LRRC34: variants seen among roughly 807,000 people sequenced by gnomAD.
The protein encoded by LRRC34 is leucine-rich repeat-containing protein 34.
In LRRC34, 44 loss-of-function variants were observed where a neutral mutation model predicts 48.5. That is an observed-to-expected ratio of 0.91 (90% CI 0.71 to 1.17). The LOEUF (loss-of-function observed/expected upper bound fraction) is 1.17, where lower values mean the gene tolerates loss of function less well. LRRC34 is among the 50% of genes most tolerant of loss of function. LRRC34 has a pLI of 0.00. For missense variants in LRRC34, 502 were observed against 563.0 expected (o/e 0.89, Z 1.10); for synonymous variants, 192 against 197.6 (o/e 0.97, Z 0.24).
intron 7 of LRRC34, among the ~76,000 whole-genome samples, chr3:169,800,255 T>C (rs904191341): frequency 2.0e-5 from 3 of 152,166 alleles, no homozygotes; most frequent in African/African-American, 7.2e-5. Flanking sequence ...ACATTTTGCT[T>C]TTATTACTCA....
rs1207151656 is a variant in LRRC34, at chr3:169,796,311, T to C, written c.967A>G (p.Thr323Ala). The part of the protein sequence containing the change: ...YLADVLKSNT[T>A]LEVIDLSFNR... ...AAGGAAAGATCTATTACTTCCAGGG[T>C]AGTGTTGCTTTTCAGTACATCAGCC... Residue 323 changes from threonine (T) to alanine (A), a missense_variant, in exon 9 of 11, where the codon ACC becomes GCC. Physicochemically the swap from Thr to Ala is moderately conservative, Grantham distance 58 (BLOSUM62 0). Transcript: ENST00000446859. The C allele has an allele frequency of 1.9e-6, 3 of 1,611,934 alleles. No individual in the cohort carries two copies. The highest frequency in any genetic ancestry group is 2.5e-6 in the Non-Finnish European group (3 of 1,179,352).
intron 5 of LRRC34, among the ~76,000 whole-genome samples, chr3:169,806,486 G>C (rs956896706): frequency 1.3e-5 from 2 of 149,962 alleles, no homozygotes; most frequent in South Asian, 2.2e-4. Context: ...GAGAGCAGGG[G>C]GTAGAAAAGA....
chr3:169,807,763 A>T (rs570900895), intron 2 of LRRC34, 54 bp from the exon 3 acceptor site: 12 of 1,472,972 alleles, frequency 8.1e-6, no homozygotes, highest in Non-Finnish European at 1.1e-5. Flanking sequence ...ATAGAAACCC[A>T]GTAAAGAAGT....
Position 169,812,853 on chromosome 3 carries a change from C to A in LRRC34, c.-305G>T. The A allele has an allele frequency of 5.5e-6, 2 of 364,906 alleles. No individual in the cohort carries two copies. The highest frequency in any genetic ancestry group is 9.7e-5 in the Admixed American group (2 of 20,668). The allele number at this position is 364,906 out of a possible 1,614,324, so 22.6% of individuals were successfully genotyped here. On this transcript the variant is annotated 5_prime_UTR_variant, in exon 1 of 11. Coordinates refer to ENST00000446859, the MANE Select transcript of LRRC34 (RefSeq NM_001172779.2). This position sits in a 1 kb window ranked among gnomAD's most constrained non-coding sequence, Gnocchi z 4.3. ...AAGCCCGCTCCTACAAAGTGTGCACCGGCCTGCCGGGCCAGCGAAGAAGCA... is the reference window on the plus strand; with the variant it reads ...AAGCCCGCTCCTACAAAGTGTGCACAGGCCTGCCGGGCCAGCGAAGAAGCA...
At chr3:169,805,504 T>C (rs1344906020) in intron 5 of LRRC34, among the ~76,000 whole-genome samples, 2 of 152,152 alleles carry the variant, frequency 1.3e-5, no homozygotes, top group East Asian at 3.8e-4. Context: ...CTTAAATAAA[T>C]GAAACATCTT....
intron 8 of LRRC34, 108 bp from the exon 9 acceptor site, chr3:169,796,477 A>AT: frequency 1.6e-6 from 2 of 1,257,670 alleles, no homozygotes; most frequent in Non-Finnish European, 2.2e-6. Context: ...GTAAAGGTTT[A>AT]TTTTAACCAC....
In LRRC34 at chr3:169,793,449, C is replaced by G. The variant is rs889898848; in HGVS notation, c.*186G>C. The G allele has an allele frequency of 2.1e-6, 1 of 477,586 alleles. No homozygotes were observed. The allele number at this position is 477,586 out of a possible 1,614,324, so 29.6% of individuals were successfully genotyped here. ...TTTTAGTCTCTATATTGTAAAATTT[C>G]TTTTAAAAAATTACCCTACTCAGTT... On this transcript the variant is annotated 3_prime_UTR_variant, in exon 11 of 11. Transcript: ENST00000446859.
At chr3:169,803,660 C>T (rs1200863792) in intron 6 of LRRC34, among the ~76,000 whole-genome samples, 1 of 152,088 alleles carries the variant, frequency 6.6e-6, no homozygotes, top group African/African-American at 2.4e-5. Context: ...TTGGACTCCT[C>T]ACCTCGGGTG....
chr3:169,796,184 T>C (rs751926304), intron 9 of LRRC34, 30 bp downstream of exon 9: 1 of 1,558,832 alleles, frequency 6.4e-7, no homozygotes, highest in South Asian at 1.2e-5. Context: ...GCTTTTCTGT[T>C]ATTTTGATTA....
At position 169,808,703 on chromosome 3, in the gene LRRC34, C is replaced by T. The variant is rs770555760; in HGVS notation, c.182G>A (p.Cys61Tyr). ...ATTAATTTTCTGGGATTTTTCCATA[C>T]ACAGATTAGAATAATGTTTCTGGAG... The part of the protein sequence containing the change: ...SGLQKHYSNL[C>Y]MEKSQKINPF... The change falls in exon 2 of 11, where the codon TGT (cysteine) becomes TAT (tyrosine). Residue 61 changes from cysteine (C) to tyrosine (Y), a missense_variant. Transcript: ENST00000446859. The T allele has an allele frequency of 6.3e-7, 1 of 1,596,160 alleles. No homozygotes were observed. The highest frequency in any genetic ancestry group is 2.2e-5 in the East Asian group (1 of 44,656).
chr3:169,804,365 G>A (rs1342565484), intron 5 of LRRC34, among the ~76,000 whole-genome samples, 184 bp from the exon 6 acceptor site: 1 of 151,994 alleles, frequency 6.6e-6, no homozygotes, highest in Non-Finnish European at 1.5e-5. Context: ...GTGTGATCTC[G>A]ACTCAATGCA....
In LRRC34 at chr3:169,800,784, A is replaced by C. The variant is rs927913667; in HGVS notation, c.658-30T>G. ...AAACAGGTAAATTCATTAAGGAAAC[A>C]GACAAAGTATATAATAATCTCGCTA... On this transcript the variant is annotated intron_variant, in intron 6 of 10. Transcript: ENST00000446859. 3.0e-6 allele frequency: 4 copies of C among 1,314,468 alleles called. No homozygotes were observed. In the African/African-American group the frequency reaches 4.4e-5, roughly 14 times the overall value. 81.4% of individuals were successfully genotyped at this position (1,314,468 alleles called of 1,614,324 possible).
At chr3:169,802,686 A>G (rs1401435871) in intron 6 of LRRC34, among the ~76,000 whole-genome samples, 1 of 152,170 alleles carries the variant, frequency 6.6e-6, no homozygotes, top group African/African-American at 2.4e-5. Flanking sequence ...TAAAAAGTTA[A>G]TCTTGGCCAG....
chr3:169,804,374 C>A (rs1779302820), intron 5 of LRRC34, among the ~76,000 whole-genome samples, 193 bp from the exon 6 acceptor site: 1 of 152,160 alleles, frequency 6.6e-6, no homozygotes, highest in South Asian at 2.1e-4. Flanking sequence ...CGACTCAATG[C>A]AAACTCCACC....
chr3:169,797,789 G>GAT (rs1446041129), intron 7 of LRRC34, among the ~76,000 whole-genome samples: 1 of 152,130 alleles, frequency 6.6e-6, no homozygotes, highest in Non-Finnish European at 1.5e-5. Flanking sequence ...AAGTCTGTCA[G>GAT]ATACTAGCTC....
rs1778983548 is a variant in LRRC34, at chr3:169,796,244, GT to G, written c.1033del (p.Thr345LeufsTer14). The G allele has an allele frequency of 6.2e-7, 1 of 1,611,574 alleles. No individual in the cohort carries two copies. On this transcript the variant is annotated frameshift_variant, in exon 9 of 11. Transcript: ENST00000446859. LOFTEE classifies it high-confidence loss of function. ...AAGACTCCTGTTGTGTGAAGTAAGA[GT>G]TTCACTGAGATAGTTTGCGCCTGCA... ...ENAGANYLSE[T>X]LTSHNRSLKA...
At position 169,812,574 on chromosome 3, in the gene LRRC34, C is replaced by A. The variant is rs933729665; in HGVS notation, c.-26G>T. The A allele has an allele frequency of 9.6e-6, 14 of 1,456,472 alleles. No homozygotes were observed. The highest frequency in any genetic ancestry group is 4.4e-5 in the African/African-American group (3 of 68,092). The allele number at this position is 1,456,472 out of a possible 1,614,324, so 90.2% of individuals were successfully genotyped here. A position where few individuals can be genotyped will look rare whatever the true frequency, so the allele number is the denominator to read the frequency against. ...GGCGACCGCGCGCGCACTTACAGTC[C>A]GCCTGCAGCTGTGAGGCGGCTACAC... is the stretch of plus-strand genomic sequence containing the variant. On this transcript the variant is annotated 5_prime_UTR_variant, in exon 1 of 11. Transcript: ENST00000446859. The surrounding 1 kb of genome is among the most constrained non-coding windows in gnomAD (Gnocchi z 4.3).
chr3:169,795,880 G>T, intron 9 of LRRC34: 1 of 1,159,522 alleles, frequency 8.6e-7, no homozygotes, highest in Non-Finnish European at 1.1e-6. Flanking sequence ...CTGGATAAAT[G>T]CATCCAAGTA....
rs377198673 is a variant in LRRC34, at chr3:169,807,721, C to CAAAAA, written c.258-17_258-13dup. The CAAAAA allele has an allele frequency of 1.6e-4, 141 of 883,594 alleles. 7 individuals are homozygous for CAAAAA. Among genetic ancestry groups the CAAAAA allele is most frequent in the South Asian group, 4.1e-4 (10 of 24,160 alleles). The allele number at this position is 883,594 out of a possible 1,614,324, so 54.7% of individuals were successfully genotyped here. Reference sequence around the variant, plus strand: ...TTCCTGCTGCTAGCCTGTTAAAATACAAAAAAAAAAAAAAAAAAAAAAGAT... The same window carrying CAAAAA: ...TTCCTGCTGCTAGCCTGTTAAAATACAAAAAAAAAAAAAAAAAAAAAAAAAAAGAT... On this transcript the variant is annotated splice_polypyrimidine_tract_variant and intron_variant, in intron 2 of 10. Transcript: ENST00000446859.
Sources: allele counts gnomAD v4.1 joint callset (sites outside exome capture counted in the v4.1 genomes callset), GRCh38; gene constraint gnomAD v4.1.1; non-coding constraint Gnocchi (gnomAD v3.1); transcripts MANE v1.5; gene names NCBI Gene and HGNC (gene_info 2026-07-23, HGNC 2026-07-21).